Variants in CCDC158 observed in about 807,000 individuals in gnomAD.
CCDC158 encodes coiled-coil domain containing 158, also known as coiled-coil domain-containing protein 158.
CCDC158 carries 116 observed loss-of-function variants against 138.6 expected under a neutral mutation model. That is an observed-to-expected ratio of 0.84 (90% CI 0.72 to 0.98). The LOEUF (loss-of-function observed/expected upper bound fraction) is 0.98. Ranked by LOEUF, CCDC158 falls within the 50% of genes least tolerant of loss-of-function variation. The probability of loss-of-function intolerance (pLI) is 0.00; values close to 1 mark genes in which losing one functional copy is unlikely to be tolerated. For synonymous variants in CCDC158, 436 were observed against 442.4 expected, an observed-to-expected ratio of 0.99 and a Z score of 0.18; for missense variants, 1,265 against 1,306.1, an observed-to-expected ratio of 0.97 and a Z score of 0.48.
chr4:76,351,598 T>G, intron 17 of CCDC158, 122 bp downstream of exon 17: 1 of 641,270 alleles, frequency 1.6e-6, no homozygotes, highest in Non-Finnish European at 2.8e-6. Flanking sequence ...ATCATTGCTA[T>G]TAATAGTATC....
chr4:76,364,313 G>T (rs1724440338), intron 12 of CCDC158, among the ~76,000 whole-genome samples: 1 of 152,122 alleles, frequency 6.6e-6, no homozygotes, highest in African/African-American at 2.4e-5. Flanking sequence ...CTCCTAACTG[G>T]TCTCTATCTG....
At chr4:76,416,879 G>T (rs890224999) in intron 1 of CCDC158, among the ~76,000 whole-genome samples, 1 of 152,224 alleles carries the variant, frequency 6.6e-6, no homozygotes, top group Non-Finnish European at 1.5e-5. Context: ...GGAAATGTGG[G>T]GTTGGAACCC....
intron 4 of CCDC158, among the ~76,000 whole-genome samples, chr4:76,387,937 C>T (rs545714389): frequency 2.4e-4 from 36 of 149,616 alleles, no homozygotes; most frequent in Admixed American, 1.0e-3. Context: ...CATTTGAACC[C>T]GGGAGGGAGA....
rs149351064 is a variant in CCDC158 at position 76,372,856 on chromosome 4, C to CTTTTT, written c.1030-1325_1030-1321dup. ...GACTGTTAATAGCGTTTCTATAGTT[C>CTTTTT]TTTTTTTTTTGAAATGGAATCTCGC... is the stretch of plus-strand genomic sequence containing the variant. On this transcript the variant is annotated intron_variant, in intron 9 of 24. Coordinates refer to ENST00000682701, the MANE Select transcript of CCDC158 (RefSeq NM_001394954.1). Among the ~76,000 whole-genome samples, 640 of 149,118 alleles carry CTTTTT rather than the reference C, an allele frequency of 4.3e-3. 4 individuals carry two copies. The highest frequency in any genetic ancestry group is 0.014 in the African/African-American group (587 of 40,692).
rs1729341470 is a variant in CCDC158 at position 76,412,116 on chromosome 4, A to T, written c.-100T>A. On this transcript the variant is annotated 5_prime_UTR_variant, in exon 2 of 25. Coordinates refer to ENST00000682701, the MANE Select transcript of CCDC158 (RefSeq NM_001394954.1). ...TTAACTTCTGGATATTCTTATTTTC[A>T]CTTATTCTATTAATATCTGAAAAAA... 6.6e-6 allele frequency: 1 copy of T among 152,214 alleles called. No homozygotes were observed. The highest frequency in any genetic ancestry group is 2.1e-4 in the South Asian group (1 of 4,826). The allele number at this position is 152,214 out of a possible 1,614,324, so 9.4% of individuals were successfully genotyped here.
At position 76,355,244 on chromosome 4, in the gene CCDC158, C is replaced by A. The variant is rs1429834317; in HGVS notation, c.2286+80G>T. On this transcript the variant is annotated intron_variant, in intron 15 of 24. Transcript: ENST00000682701. The stretch of plus-strand genomic sequence containing the variant: ...TTTCCTTTTCCCCTTGCACTTGCAT[C>A]TCTGCTTCATCTTATTCTGCCTCGT... 28 of 896,690 alleles carry A rather than the reference C, an allele frequency of 3.1e-5. No homozygotes were observed. In the East Asian group the frequency reaches 6.8e-4, roughly 22 times the overall value. The allele number at this position is 896,690 out of a possible 1,614,324, so 55.5% of individuals were successfully genotyped here.
At chr4:76,383,917 C>T (rs977490112) in intron 6 of CCDC158, among the ~76,000 whole-genome samples, 171 bp downstream of exon 6, 5 of 152,076 alleles carry the variant, frequency 3.3e-5, no homozygotes, top group South Asian at 2.1e-4. Context: ...TGAAGCTATA[C>T]GGTAAACCAA....
intron 24 of CCDC158, among the ~76,000 whole-genome samples, chr4:76,322,957 T>C (rs1720168516): frequency 6.6e-6 from 1 of 152,212 alleles, no homozygotes; most frequent in African/African-American, 2.4e-5. Flanking sequence ...TGGCTATTAT[T>C]GTATAAATGT....
At chr4:76,364,077 A>G (rs947917605) in intron 12 of CCDC158, among the ~76,000 whole-genome samples, 1 of 152,094 alleles carries the variant, frequency 6.6e-6, no homozygotes, top group African/African-American at 2.4e-5. Context: ...GCTTCTGCAA[A>G]CTCTGACTCA....
chr4:76,333,375 G>A (rs1721175704), intron 19 of CCDC158, among the ~76,000 whole-genome samples: 1 of 152,088 alleles, frequency 6.6e-6, no homozygotes, highest in African/African-American at 2.4e-5. Context: ...TTTAAGATAA[G>A]CTAAGCTAAA....
At chr4:76,382,119 G>A (rs749457286) in intron 8 of CCDC158, among the ~76,000 whole-genome samples, 28 of 152,310 alleles carry the variant, frequency 1.8e-4, no homozygotes, top group Admixed American at 3.9e-4. Context: ...TGCTTTTCCC[G>A]TGATAGCGAG....
chr4:76,334,276 G>A (rs1721269733), intron 18 of CCDC158, 109 bp from the exon 19 acceptor site: 32 of 1,068,866 alleles, frequency 3.0e-5, no homozygotes, highest in Non-Finnish European at 3.4e-5. Context: ...AGCAAGAAGA[G>A]GAAAACAAAA....
At chr4:76,411,326 CAA>C (rs1729279062) in intron 2 of CCDC158, among the ~76,000 whole-genome samples, 1 of 151,880 alleles carries the variant, frequency 6.6e-6, no homozygotes, top group Non-Finnish European at 1.5e-5. Flanking sequence ...CCCTTGAGCC[CAA>C]GAGTTCAAGG....
intron 21 of CCDC158, among the ~76,000 whole-genome samples, chr4:76,330,020 T>TC (rs1720881119): frequency 1.3e-5 from 2 of 152,234 alleles, no homozygotes; most frequent in Non-Finnish European, 2.9e-5. Context: ...TTTTTCATAA[T>TC]TTCAGAATAA....
At chr4:76,415,474 C>T (rs1231317370) in intron 1 of CCDC158, among the ~76,000 whole-genome samples, 2 of 151,990 alleles carry the variant, frequency 1.3e-5, no homozygotes, top group Non-Finnish European at 2.9e-5. Flanking sequence ...GCAAGCCATC[C>T]AGGTGCCGAG....
intron 9 of CCDC158, among the ~76,000 whole-genome samples, chr4:76,373,839 T>C (rs1486885752): frequency 6.6e-6 from 1 of 152,216 alleles, no homozygotes; most frequent in African/African-American, 2.4e-5. Context: ...CAGAATTAAG[T>C]ACACGTAAAA....
upstream of CCDC158, chr4:76,421,677 A>ACCCCCCCCCCCCCTTCC (rs200787190): frequency 2.5e-5 from 1 of 40,242 alleles, no homozygotes; most frequent in African/African-American, 9.1e-5. Flanking sequence ...GCCCCACCTC[A>ACCCCCCCCCCCCCTTCC]CCCCCCCCTC....
At chr4:76,370,366 G>A (rs73828791) in intron 10 of CCDC158, among the ~76,000 whole-genome samples, 1,917 of 152,306 alleles carry the variant, frequency 0.013, 47 homozygotes, top group African/African-American at 0.044. Context: ...AGGGGCCTGT[G>A]TGTTTGCTTG....
At chr4:76,321,590 T>TATATA (rs558094792) in intron 24 of CCDC158, among the ~76,000 whole-genome samples, 3 of 147,302 alleles carry the variant, frequency 2.0e-5, no homozygotes, top group Non-Finnish European at 4.5e-5. Flanking sequence ...TGTGTATATA[T>TATATA]ATATAATATA....
Sources: gnomAD v4.1 joint callset for allele counts (sites outside exome capture counted in the v4.1 genomes callset) on GRCh38, gnomAD v4.1.1 for gene constraint, MANE v1.5 for transcripts, NCBI Gene and HGNC (gene_info 2026-07-23, HGNC 2026-07-21) for gene names.